LUZP2: variants seen among roughly 807,000 people sequenced by gnomAD.
The protein encoded by LUZP2 is leucine zipper protein 2.
Under a neutral mutation model 51.6 loss-of-function variants are expected in LUZP2, and 52 were observed. That is an observed-to-expected ratio of 1.01 (90% CI 0.81 to 1.27). LUZP2 has a LOEUF of 1.27. Ranked by LOEUF, LUZP2 falls within the 50% of genes most tolerant of loss-of-function variation. The pLI, the probability that LUZP2 is intolerant of heterozygous loss-of-function variation, is 0.00. For missense variants in LUZP2, 436 were observed against 395.4 expected (o/e 1.10, Z -0.87); for synonymous variants, 154 against 137.3 (o/e 1.12, Z -0.85).
chr11:24,792,354 G>A (rs1383302472), intron 5 of LUZP2, among the ~76,000 whole-genome samples: 1 of 151,874 alleles, frequency 6.6e-6, no homozygotes, highest in Non-Finnish European at 1.5e-5. Context: ...TTGAACCTGG[G>A]AGGCGGAGAT....
At chr11:24,628,124 C>A (rs186820474) in intron 1 of LUZP2, among the ~76,000 whole-genome samples, 1 of 151,850 alleles carries the variant, frequency 6.6e-6, no homozygotes, top group African/African-American at 2.4e-5. Flanking sequence ...TTTTAAGATG[C>A]GTACTTTTAA....
chr11:24,929,146 T>C (rs1485553310), intron 7 of LUZP2, among the ~76,000 whole-genome samples: 1 of 152,102 alleles, frequency 6.6e-6, no homozygotes, highest in Non-Finnish European at 1.5e-5. Flanking sequence ...GCTAATGGTC[T>C]ATCAATTTTA....
chr11:25,007,466 G>A (rs980424863), intron 9 of LUZP2, among the ~76,000 whole-genome samples: 1 of 152,098 alleles, frequency 6.6e-6, no homozygotes, highest in African/African-American at 2.4e-5. Context: ...AGCTGGGCAT[G>A]GTGGCATGTG....
intron 9 of LUZP2, among the ~76,000 whole-genome samples, chr11:24,996,381 T>A (rs886800839): frequency 2.7e-4 from 41 of 151,590 alleles, no homozygotes; most frequent in Non-Finnish European, 4.9e-4. Flanking sequence ...TTAAATTTTC[T>A]AGAATGGATC....
At chr11:24,936,964 G>A (rs1276793456) in intron 7 of LUZP2, among the ~76,000 whole-genome samples, 1 of 151,766 alleles carries the variant, frequency 6.6e-6, no homozygotes, top group Non-Finnish European at 1.5e-5. Flanking sequence ...TACCTATATG[G>A]TATATATATT....
rs1373277920 is a variant in LUZP2 at position 24,986,146 on chromosome 11, A to C, written c.765+2853A>C. Among the ~76,000 whole-genome samples, 3 of 151,746 alleles carry C rather than the reference A, an allele frequency of 2.0e-5. No homozygotes were observed. In the East Asian group the frequency reaches 5.8e-4, roughly 29 times the overall value. The stretch of plus-strand genomic sequence containing the variant: ...TCACTGTGTTTATTCAGAATGATAA[A>C]TACTCCAGTGGTCTGTTGGAGCTGG... On this transcript the variant is annotated intron_variant, in intron 9 of 11. Transcript: ENST00000336930.
At chr11:24,922,825 C>CTTTTTTTTTTTTTTT (rs1277388215) in intron 7 of LUZP2, among the ~76,000 whole-genome samples, 5 of 44,622 alleles carry the variant, frequency 1.1e-4, no homozygotes, top group South Asian at 1.5e-3. Flanking sequence ...ACAGTTATAT[C>CTTTTTTTTTTTTTTT]TTTTTTTTTT....
chr11:24,581,809 C>A (rs1565005602), intron 1 of LUZP2, among the ~76,000 whole-genome samples: 1 of 151,904 alleles, frequency 6.6e-6, no homozygotes, highest in Non-Finnish European at 1.5e-5. Context: ...TTATTTAACT[C>A]TCACAACAAA....
At chr11:25,066,366 A>G (rs2134048550) in intron 10 of LUZP2, among the ~76,000 whole-genome samples, 1 of 152,010 alleles carries the variant, frequency 6.6e-6, no homozygotes, top group Non-Finnish European at 1.5e-5. Flanking sequence ...GAGATTTATA[A>G]CTTGAACTGC....
intron 1 of LUZP2, among the ~76,000 whole-genome samples, chr11:24,670,827 C>G (rs1469503148): frequency 1.3e-5 from 2 of 151,744 alleles, no homozygotes; most frequent in East Asian, 1.9e-4. Context: ...AAAAGACAAA[C>G]CTTTTCTAGG....
At chr11:24,861,086 A>G (rs1439008685) in intron 5 of LUZP2, among the ~76,000 whole-genome samples, 1 of 152,172 alleles carries the variant, frequency 6.6e-6, no homozygotes, top group East Asian at 1.9e-4. Flanking sequence ...ACTGCTAACT[A>G]GAATAACTAG....
chr11:25,045,124 G>T (rs1282866540), intron 9 of LUZP2, among the ~76,000 whole-genome samples: 1 of 150,898 alleles, frequency 6.6e-6, no homozygotes, highest in East Asian at 2.0e-4. Context: ...GAGTTAATGG[G>T]TGCAGCACAC....
At chr11:24,630,009 A>G (rs1192145972) in intron 1 of LUZP2, among the ~76,000 whole-genome samples, 1 of 145,870 alleles carries the variant, frequency 6.9e-6, no homozygotes, top group Non-Finnish European at 1.5e-5. Flanking sequence ...AAAAATGTCT[A>G]TTTTTTTTTT....
chr11:24,525,507 G>T (rs1406913345), intron 1 of LUZP2, among the ~76,000 whole-genome samples: 1 of 151,454 alleles, frequency 6.6e-6, no homozygotes, highest in Admixed American at 6.6e-5. Flanking sequence ...TTAAATTGCT[G>T]TAACGTAAAG....
intron 9 of LUZP2, among the ~76,000 whole-genome samples, chr11:25,003,396 C>A (rs941452412): frequency 6.6e-6 from 1 of 152,088 alleles, no homozygotes; most frequent in African/African-American, 2.4e-5. Flanking sequence ...AGAAGGCATC[C>A]TTGAGGTCCA....
intron 1 of LUZP2, among the ~76,000 whole-genome samples, chr11:24,661,852 A>G (rs983140116): frequency 1.3e-5 from 2 of 152,168 alleles, no homozygotes; most frequent in African/African-American, 4.8e-5. Flanking sequence ...ATTAAAAAAT[A>G]ATGTTAATGC....
rs146843518 is a variant in LUZP2 at position 24,943,869 on chromosome 11, C to T, written c.522+29331C>T. ...CTCCAGCCTGGGCGACAGAGGGAGA[C>T]TCCATCTCAAAAAAAAAAAAAAAAA... On this transcript the variant is annotated intron_variant, in intron 7 of 11. Coordinates refer to ENST00000336930, the MANE Select transcript of LUZP2 (RefSeq NM_001009909.4). Among the ~76,000 whole-genome samples the T allele has an allele frequency of 9.2e-3, 1,130 of 122,400 alleles. 12 individuals carry two copies. Among genetic ancestry groups the T allele is most frequent in the African/African-American group, 0.037 (1,093 of 29,430 alleles). 80.3% of individuals were successfully genotyped at this position (122,400 alleles called of 152,430 possible).
intron 9 of LUZP2, among the ~76,000 whole-genome samples, chr11:25,021,735 T>C (rs1264245789): frequency 6.6e-6 from 1 of 151,736 alleles, no homozygotes; most frequent in African/African-American, 2.4e-5. Context: ...TAGTTGTTTC[T>C]TTTATTATGT....
In LUZP2 at chr11:24,753,314, C is replaced by T. The variant is rs573459639; in HGVS notation, c.334-9932C>T. Among the ~76,000 whole-genome samples, 20 of 152,192 alleles carry T rather than the reference C, an allele frequency of 1.3e-4. No individual in the cohort carries two copies. In the South Asian group the frequency reaches 1.9e-3, roughly 14 times the overall value. Reference sequence around the variant, plus strand: ...GGGGAAGGGGCAAGAAGCTTCCATGCGCTCGCTGGACATGCCACCCTTCAG... The same window carrying T: ...GGGGAAGGGGCAAGAAGCTTCCATGTGCTCGCTGGACATGCCACCCTTCAG... On this transcript the variant is annotated intron_variant, in intron 4 of 11. Coordinates refer to ENST00000336930, the MANE Select transcript of LUZP2 (RefSeq NM_001009909.4).
Sources: gnomAD v4.1 joint callset for allele counts (sites outside exome capture counted in the v4.1 genomes callset) on GRCh38, gnomAD v4.1.1 for gene constraint, MANE v1.5 for transcripts, NCBI Gene and HGNC (gene_info 2026-07-23, HGNC 2026-07-21) for gene names.